ZNF804B: variants seen among roughly 807,000 people sequenced by gnomAD.
The protein encoded by ZNF804B is zinc finger protein 804B.
Under a neutral mutation model 101.4 loss-of-function variants are expected in ZNF804B, and 80 were observed. The ratio of observed to expected loss-of-function variants is 0.79; its 90% confidence interval spans 0.66 to 0.95. ZNF804B has a LOEUF of 0.95. Among genes scored for constraint, ZNF804B ranks in the 40% least tolerant of loss-of-function variants. ZNF804B has a pLI of 0.00. For synonymous variants in ZNF804B, 622 were observed against 558.8 expected (o/e 1.11, Z -1.59); for missense variants, 1,673 against 1,561.9 (o/e 1.07, Z -1.20).
chr7:88,901,991 T>G (rs1484944945), intron 1 of ZNF804B, among the ~76,000 whole-genome samples: 1 of 151,880 alleles, frequency 6.6e-6, no homozygotes, highest in East Asian at 1.9e-4. Flanking sequence ...AACACAGTCA[T>G]CAAAGCAGGG....
intron 1 of ZNF804B, among the ~76,000 whole-genome samples, chr7:88,873,150 A>G (rs1336591627): frequency 1.3e-5 from 2 of 152,050 alleles, no homozygotes; most frequent in Non-Finnish European, 2.9e-5. Context: ...TGGCTTTTTA[A>G]TGATTGCCAT....
At chr7:89,115,451 C>G (rs534322328) in intron 1 of ZNF804B, among the ~76,000 whole-genome samples, 3 of 152,250 alleles carry the variant, frequency 2.0e-5, no homozygotes, top group Non-Finnish European at 4.4e-5. Flanking sequence ...CCTATTAAGA[C>G]AACACATAGA....
At chr7:88,963,315 A>C (rs10225888) in intron 1 of ZNF804B, among the ~76,000 whole-genome samples, 56,747 of 151,126 alleles carry the variant, frequency 0.38, 11,347 homozygotes, top group Non-Finnish European at 0.44. Flanking sequence ...GCACAAAGCC[A>C]GATATATACA....
At chr7:89,285,522 C>CAAAAAAAAAAAAAA (rs778078214) in intron 2 of ZNF804B, among the ~76,000 whole-genome samples, 36 of 22,394 alleles carry the variant, frequency 1.6e-3, no homozygotes, top group East Asian at 2.9e-3. Flanking sequence ...GACTCTGTCT[C>CAAAAAAAAAAAAAA]AAAAAAAAAA....
chr7:88,800,363 A>G (rs1041529504), intron 1 of ZNF804B, among the ~76,000 whole-genome samples: 1 of 152,134 alleles, frequency 6.6e-6, no homozygotes, highest in African/African-American at 2.4e-5. Flanking sequence ...GTGTTTGGTA[A>G]TTACTTATCA....
rs867709369 is a variant in ZNF804B, at chr7:88,763,059, A to G, written c.108+2975A>G. Among the ~76,000 whole-genome samples, 65 of 152,166 alleles carry G rather than the reference A, an allele frequency of 4.3e-4. 1 individual carries two copies. Among genetic ancestry groups the G allele is most frequent in the Middle Eastern group, 3.2e-3 (1 of 316 alleles). On this transcript the variant is annotated intron_variant, in intron 1 of 3. Transcript: ENST00000333190. Reference sequence around the variant, plus strand: ...ACATAATAAGGATTTCTTCTTTTGTAGTTCTGATATTATGGATATCTGATA... The same window carrying G: ...ACATAATAAGGATTTCTTCTTTTGTGGTTCTGATATTATGGATATCTGATA...
At chr7:88,846,298 G>T (rs923001822) in intron 1 of ZNF804B, among the ~76,000 whole-genome samples, 3 of 152,126 alleles carry the variant, frequency 2.0e-5, no homozygotes, top group African/African-American at 7.2e-5. Context: ...TTATTGAACT[G>T]AGTAGAAAAA....
chr7:89,280,088 C>A (rs541667900), intron 2 of ZNF804B, among the ~76,000 whole-genome samples: 1 of 152,140 alleles, frequency 6.6e-6, no homozygotes, highest in East Asian at 1.9e-4. Context: ...CAAACTAGAA[C>A]TCGGGATTAA....
At chr7:89,057,327 T>C (rs775280285) in intron 1 of ZNF804B, among the ~76,000 whole-genome samples, 1 of 151,996 alleles carries the variant, frequency 6.6e-6, no homozygotes, top group Non-Finnish European at 1.5e-5. Context: ...TAACTATAAC[T>C]ATATTTCTGT....
At chr7:89,281,096 C>T (rs1420768581) in intron 2 of ZNF804B, among the ~76,000 whole-genome samples, 1 of 152,016 alleles carries the variant, frequency 6.6e-6, no homozygotes, top group African/African-American at 2.4e-5. Context: ...ATCATATATC[C>T]TGTTGTTCAT....
intron 1 of ZNF804B, among the ~76,000 whole-genome samples, chr7:89,204,680 T>G (rs7811431): frequency 0.9 from 137,507 of 152,222 alleles, 62,352 homozygotes; most frequent in East Asian, 1. Flanking sequence ...GCAGCTGTAG[T>G]CATCATGTGG....
At chr7:88,941,105 G>GCC (rs1396539960) in intron 1 of ZNF804B, among the ~76,000 whole-genome samples, 1 of 151,854 alleles carries the variant, frequency 6.6e-6, no homozygotes, top group African/African-American at 2.4e-5. Flanking sequence ...GTAAATTACT[G>GCC]ACAACATAAA....
intron 1 of ZNF804B, among the ~76,000 whole-genome samples, chr7:89,159,016 C>T (rs1791018445): frequency 1.3e-5 from 2 of 152,052 alleles, no homozygotes; most frequent in Non-Finnish European, 2.9e-5. Flanking sequence ...CTGAATTTCA[C>T]ATGCCTAGAT....
intron 1 of ZNF804B, among the ~76,000 whole-genome samples, chr7:89,022,924 GA>G (rs973383549): frequency 6.6e-6 from 1 of 151,952 alleles, no homozygotes; most frequent in South Asian, 2.1e-4. Context: ...CACATTAGGA[GA>G]AAAAATAACT....
In ZNF804B at chr7:89,135,836, T is replaced by TA. The variant is rs201387418; in HGVS notation, c.109-82319_109-82318insA. On this transcript the variant is annotated intron_variant, in intron 1 of 3. Coordinates refer to ENST00000333190, the MANE Select transcript of ZNF804B (RefSeq NM_181646.5). ...CGAATAGGCCTCTCACTAGCTTAGA[T>TA]GATGTTCTATAAGAGAGAAGACAAG... Among the ~76,000 whole-genome samples the TA allele has an allele frequency of 7.2e-3, 258 of 35,648 alleles. 3 individuals carry two copies. The highest frequency in any genetic ancestry group is 0.055 in the East Asian group (95 of 1,712). 23.4% of individuals were successfully genotyped at this position (35,648 alleles called of 152,430 possible).
chr7:88,772,758 G>A (rs1790087475), intron 1 of ZNF804B, among the ~76,000 whole-genome samples: 1 of 152,166 alleles, frequency 6.6e-6, no homozygotes, highest in Non-Finnish European at 1.5e-5. Flanking sequence ...CCCGTGTTTG[G>A]AAACAACTCA....
intron 1 of ZNF804B, among the ~76,000 whole-genome samples, chr7:88,991,586 C>T (rs865829547): frequency 1.3e-5 from 2 of 152,154 alleles, no homozygotes; most frequent in Middle Eastern, 3.2e-3. Context: ...ATCTAACCTA[C>T]AACATGAGAA....
intron 1 of ZNF804B, among the ~76,000 whole-genome samples, chr7:88,855,505 C>T (rs1429186460): frequency 6.6e-6 from 1 of 151,958 alleles, no homozygotes; most frequent in Non-Finnish European, 1.5e-5. Context: ...TGGATATTAG[C>T]CCTTTGTCAG....
At chr7:88,839,947 G>T (rs761156497) in intron 1 of ZNF804B, among the ~76,000 whole-genome samples, 2 of 152,008 alleles carry the variant, frequency 1.3e-5, no homozygotes, top group Non-Finnish European at 2.9e-5. Context: ...TTGGCTCCTT[G>T]GGTGCTAGCC....
Sources: allele counts gnomAD v4.1 joint callset (sites outside exome capture counted in the v4.1 genomes callset), GRCh38; gene constraint gnomAD v4.1.1; transcripts MANE v1.5; gene names NCBI Gene and HGNC (gene_info 2026-07-23, HGNC 2026-07-21).